The following C12orf54 variants were observed in gnomAD, a reference collection of about 807,000 sequenced individuals.
C12orf54 encodes the protein chromosome 12 open reading frame 54, also known as uncharacterized protein C12orf54.
Under a neutral mutation model 26.4 loss-of-function variants are expected in C12orf54, and 24 were observed. The ratio of observed to expected loss-of-function variants is 0.91; its 90% CI spans 0.66 to 1.28. The LOEUF is 1.28. C12orf54 is among the 50% of genes most tolerant of loss of function. The pLI is 0.00. For missense variants in C12orf54, 154 were observed against 150.9 expected (o/e 1.02, Z -0.11); for synonymous variants, 54 against 47.0 (o/e 1.15, Z -0.61).
the C12orf54 span, among the ~76,000 whole-genome samples, chr12:48,433,149 T>TGG: frequency 6.6e-6 from 1 of 152,290 alleles, no homozygotes; most frequent in East Asian, 1.9e-4. Context: ...GTGACCTTTA[T>TGG]CAAAATACCT....
At chr12:48,450,589 A>G in the C12orf54 span, among the ~76,000 whole-genome samples, 2 of 152,152 alleles carry the variant, frequency 1.3e-5, no homozygotes, top group Non-Finnish European at 2.9e-5. Context: ...TGCTAGCTAG[A>G]CAAAGAAGAA....
the C12orf54 span, among the ~76,000 whole-genome samples, chr12:48,452,158 T>C: frequency 6.6e-6 from 1 of 152,030 alleles, no homozygotes; most frequent in African/African-American, 2.4e-5. Flanking sequence ...TGGAACAGAA[T>C]AGAGAACCCA....
the C12orf54 span, among the ~76,000 whole-genome samples, chr12:48,455,036 G>A: frequency 6.6e-6 from 1 of 152,170 alleles, no homozygotes; most frequent in Non-Finnish European, 1.5e-5. Context: ...GGAGTTTGGT[G>A]TACAAATGAT....
At chr12:48,486,289 G>A (rs756372552) in intron 3 of C12orf54, 81 bp downstream of exon 3, 9 of 1,429,336 alleles carry the variant, frequency 6.3e-6, no homozygotes, top group Non-Finnish European at 8.8e-6. Flanking sequence ...GTTGTAGACA[G>A]GAGGCCAAAA....
chr12:48,420,426 G>C, the C12orf54 span, among the ~76,000 whole-genome samples: 4 of 152,116 alleles, frequency 2.6e-5, no homozygotes, highest in Non-Finnish European at 5.9e-5. Flanking sequence ...ATTTACTTTA[G>C]AAAACTTGAA....
chr12:48,435,558 A>T, the C12orf54 span, among the ~76,000 whole-genome samples: 4 of 152,216 alleles, frequency 2.6e-5, no homozygotes, highest in African/African-American at 7.2e-5. Context: ...CTAACAGCTG[A>T]TCTCTCGGCA....
chr12:48,445,212 T>C, the C12orf54 span, among the ~76,000 whole-genome samples: 1 of 151,822 alleles, frequency 6.6e-6, no homozygotes, highest in East Asian at 1.9e-4. Context: ...CGGATGAGTA[T>C]GTGAATGAAT....
At chr12:48,494,725 G>A (rs1266361401) in intron 7 of C12orf54, 73 bp from the exon 8 acceptor site, 2 of 1,495,194 alleles carry the variant, frequency 1.3e-6, no homozygotes, top group Non-Finnish European at 1.8e-6. Context: ...TAAGGGCAGT[G>A]GAGGCCAGGA....
At chr12:48,483,197 C>T (rs1954218694) in intron 1 of C12orf54, 43 bp from the exon 2 acceptor site, 2 of 1,032,322 alleles carry the variant, frequency 1.9e-6, no homozygotes, top group African/African-American at 1.6e-5. Flanking sequence ...TTTCTTCTCA[C>T]CATGTACCTG....
chr12:48,420,972 A>G, the C12orf54 span, among the ~76,000 whole-genome samples: 2 of 152,156 alleles, frequency 1.3e-5, no homozygotes, highest in Admixed American at 1.3e-4. Context: ...CCTCATCATC[A>G]TTGTTCATTT....
the C12orf54 span, among the ~76,000 whole-genome samples, chr12:48,428,951 CAGAAAGAT>C: frequency 6.6e-6 from 1 of 152,106 alleles, no homozygotes. Flanking sequence ...AAAAACATAT[CAGAAAGAT>C]AATCCACTAT....
chr12:48,461,008 A>G, the C12orf54 span, among the ~76,000 whole-genome samples: 1 of 152,032 alleles, frequency 6.6e-6, no homozygotes, highest in Non-Finnish European at 1.5e-5. Context: ...ACCTAACTGT[A>G]TGCTGCCTCA....
At chr12:48,435,411 T>C in the C12orf54 span, among the ~76,000 whole-genome samples, 3 of 152,140 alleles carry the variant, frequency 2.0e-5, no homozygotes, top group Admixed American at 1.3e-4. Context: ...ATACAGAGAA[T>C]GCCACAAAGA....
the C12orf54 span, chr12:48,472,947 T>G: frequency 2.5e-6 from 4 of 1,614,094 alleles, no homozygotes; most frequent in Non-Finnish European, 3.4e-6. Context: ...ACATCTAAAT[T>G]TAAGTGGCAA....
chr12:48,460,725 G>A, the C12orf54 span, among the ~76,000 whole-genome samples: 1 of 152,040 alleles, frequency 6.6e-6, no homozygotes, highest in Non-Finnish European at 1.5e-5. Context: ...CTTGAAGGTA[G>A]ACTCTAATAA....
chr12:48,418,747 T>A, the C12orf54 span, among the ~76,000 whole-genome samples: 3 of 152,182 alleles, frequency 2.0e-5, no homozygotes, highest in African/African-American at 4.8e-5. Flanking sequence ...TTATTTTAAT[T>A]AAGATGAAGA....
the C12orf54 span, among the ~76,000 whole-genome samples, chr12:48,444,927 C>G: frequency 2.0e-5 from 3 of 152,144 alleles, no homozygotes; most frequent in Admixed American, 6.5e-5. Context: ...AATCCCAGCA[C>G]TTTGGGAGGC....
In C12orf54 at chr12:48,486,046, T is replaced by G; in HGVS notation, c.66-132T>G. ...TAAAGGGATATGAGAGGCAGGACCG[T>G]GGCTACCCTTCCTGGATTTTTAGTA... On this transcript the variant is annotated intron_variant, in intron 2 of 8. Coordinates refer to ENST00000548364, the MANE Select transcript of C12orf54 (RefSeq NM_152319.4). The G allele has an allele frequency of 5.0e-6, 4 of 807,968 alleles. No individual in the cohort carries two copies. In the South Asian group the frequency reaches 6.8e-5, roughly 14 times the overall value. 50.0% of individuals were successfully genotyped at this position (807,968 alleles called of 1,614,324 possible).
chr12:48,432,964 C>G, the C12orf54 span, among the ~76,000 whole-genome samples: 1 of 151,410 alleles, frequency 6.6e-6, no homozygotes, highest in Non-Finnish European at 1.5e-5. Context: ...ATAAACAAGA[C>G]AGTAGTACTA....
Sources: allele counts gnomAD v4.1 joint callset (sites outside exome capture counted in the v4.1 genomes callset), GRCh38; gene constraint gnomAD v4.1.1; transcripts MANE v1.5; gene names NCBI Gene and HGNC (gene_info 2026-07-23, HGNC 2026-07-21).